Variants in EMSY observed in about 807,000 individuals in gnomAD.
The protein encoded by EMSY is BRCA2-interacting transcriptional repressor EMSY.
In EMSY, 26 loss-of-function variants were observed where a neutral mutation model predicts 134.6. The ratio of observed to expected loss-of-function variants is 0.19; its 90% CI spans 0.14 to 0.27. The LOEUF (loss-of-function observed/expected upper bound fraction) is 0.27, where lower values mean the gene tolerates loss of function less well. Among genes scored for constraint, EMSY ranks in the 10% least tolerant of loss-of-function variants. The pLI is 1.00. For synonymous variants in EMSY, 579 were observed against 577.8 expected, an observed-to-expected ratio of 1.00 and a Z score of -0.03; for missense variants, 1,305 against 1,611.4, an observed-to-expected ratio of 0.81 and a Z score of 3.26.
At chr11:76,460,429 ATAATTT>A (rs2135078230) in intron 6 of EMSY, 1 of 170,218 alleles carries the variant, frequency 5.9e-6, no homozygotes, top group African/African-American at 2.4e-5. Context: ...TATTTCTCCT[ATAATTT>A]TAATCTTTGT....
At chr11:76,458,510 G>A in intron 5 of EMSY, 152 bp downstream of exon 6, 3 of 801,018 alleles carry the variant, frequency 3.7e-6, no homozygotes, top group Admixed American at 7.8e-5. Context: ...AAATTAGACT[G>A]CCAGGTTTTT....
chr11:76,445,949 T>C (rs1343480984), intron 1 of EMSY, among the ~76,000 whole-genome samples: 1 of 152,112 alleles, frequency 6.6e-6, no homozygotes, highest in East Asian at 1.9e-4. Flanking sequence ...GGAGGGGGGC[T>C]CACCTCGGGA....
intron 14 of EMSY, among the ~76,000 whole-genome samples, chr11:76,531,840 G>A (rs1479792688): frequency 6.6e-6 from 1 of 152,098 alleles, no homozygotes; most frequent in Admixed American, 6.5e-5. Flanking sequence ...TTTTTCTGGT[G>A]ACTTCTGCTA....
chr11:76,489,395 T>C (rs916924000), intron 8 of EMSY, among the ~76,000 whole-genome samples: 12 of 151,888 alleles, frequency 7.9e-5, no homozygotes, highest in African/African-American at 2.7e-4. Flanking sequence ...TATTTGTGGC[T>C]TTGTACATTT....
At chr11:76,520,149 A>G (rs959581533) in intron 11 of EMSY, among the ~76,000 whole-genome samples, 4 of 152,222 alleles carry the variant, frequency 2.6e-5, no homozygotes, top group African/African-American at 9.6e-5. Flanking sequence ...ATAATTGATC[A>G]TTCTATCAAT....
chr11:76,550,843 ACTC>A (rs1951816607), exon 21 of EMSY: 1 of 152,228 alleles, frequency 6.6e-6, no homozygotes, highest in East Asian at 1.9e-4. Context: ...AGCAGGCCGT[ACTC>A]CTTCTGACAA....
At chr11:76,458,218 T>C (rs371300337) in exon 5 of EMSY, 21 of 1,614,008 alleles carry the variant, frequency 1.3e-5, no homozygotes, top group Non-Finnish European at 1.6e-5. Context: ...GAATGGTCCA[T>C]TGAAGGTCGT....
At chr11:76,515,929 A>G (rs891678046) in intron 10 of EMSY, among the ~76,000 whole-genome samples, 7 of 152,204 alleles carry the variant, frequency 4.6e-5, no homozygotes, top group Non-Finnish European at 2.9e-5. Context: ...ACAAAATTTT[A>G]TGTGTAAAAT....
At chr11:76,454,465 A>G (rs1281784953) in intron 4 of EMSY, among the ~76,000 whole-genome samples, 1 of 152,106 alleles carries the variant, frequency 6.6e-6, no homozygotes, top group Non-Finnish European at 1.5e-5. Context: ...GATATTAGTC[A>G]ATGTGTTCCT....
At chr11:76,450,825 G>A (rs985972476) in intron 2 of EMSY, among the ~76,000 whole-genome samples, 9 of 138,766 alleles carry the variant, frequency 6.5e-5, no homozygotes, top group African/African-American at 1.1e-4. Flanking sequence ...ACAGGATCTC[G>A]CTCAGTTGCC....
At chr11:76,449,094 G>A (rs577391126) in intron 2 of EMSY, among the ~76,000 whole-genome samples, 21 of 152,162 alleles carry the variant, frequency 1.4e-4, no homozygotes, top group African/African-American at 4.6e-4. Context: ...TATATAAATG[G>A]TTTGGCAAAT....
intron 14 of EMSY, 58 bp downstream of exon 15, chr11:76,528,524 T>G: frequency 7.6e-7 from 1 of 1,318,254 alleles, no homozygotes; most frequent in Non-Finnish European, 1.1e-6. Context: ...GCCCAAATTC[T>G]AAAATAGAGG....
chr11:76,526,418 T>A, intron 12 of EMSY, 44 bp from the exon 14 acceptor site: 1 of 1,435,752 alleles, frequency 7.0e-7, no homozygotes, highest in Non-Finnish European at 9.4e-7. Flanking sequence ...CTTTATCATT[T>A]ATATGCATAT....
intron 2 of EMSY, among the ~76,000 whole-genome samples, chr11:76,449,222 A>C (rs903622442): frequency 6.6e-6 from 1 of 152,232 alleles, no homozygotes; most frequent in Non-Finnish European, 1.5e-5. Flanking sequence ...AGGTATGTGA[A>C]GATCTAAGGA....
At chr11:76,458,056 A>G in intron 4 of EMSY, 127 bp from the exon 6 acceptor site, 1 of 721,902 alleles carries the variant, frequency 1.4e-6, no homozygotes, top group Non-Finnish European at 2.1e-6. Flanking sequence ...CTTGCTTAAA[A>G]TAAAGCCTCT....
intron 8 of EMSY, among the ~76,000 whole-genome samples, chr11:76,495,830 A>G (rs1249324142): frequency 6.6e-6 from 1 of 152,194 alleles, no homozygotes; most frequent in Non-Finnish European, 1.5e-5. Context: ...TAACATATAA[A>G]TAAGATTCAA....
At chr11:76,486,396 A>G (rs1445332990) in intron 8 of EMSY, among the ~76,000 whole-genome samples, 1 of 152,230 alleles carries the variant, frequency 6.6e-6, no homozygotes, top group Non-Finnish European at 1.5e-5. Flanking sequence ...AACTTAAAAT[A>G]TAATAAAAAA....
At chr11:76,539,418 G>T (rs1324852175) in intron 16 of EMSY, among the ~76,000 whole-genome samples, 181 bp from the exon 18 acceptor site, 2 of 152,134 alleles carry the variant, frequency 1.3e-5, no homozygotes, top group East Asian at 3.9e-4. Flanking sequence ...TGCCAAAGGG[G>T]AAAATCCAGG....
chr11:76,452,827 GA>G (rs1346365368), intron 3 of EMSY, among the ~76,000 whole-genome samples: 1 of 152,100 alleles, frequency 6.6e-6, no homozygotes, highest in African/African-American at 2.4e-5. Context: ...ATAGCCACAG[GA>G]AACAGATTAT....
Sources: allele counts gnomAD v4.1 joint callset (sites outside exome capture counted in the v4.1 genomes callset), GRCh38; gene constraint gnomAD v4.1.1; transcripts MANE v1.5; gene names NCBI Gene and HGNC (gene_info 2026-07-23, HGNC 2026-07-21).